ABHD2: variants seen among roughly 807,000 people sequenced by gnomAD.
ABHD2 encodes monoacylglycerol lipase ABHD2.
Under a neutral mutation model 48.1 loss-of-function variants are expected in ABHD2, and 20 were observed. The observed-to-expected ratio is 0.42, with a 90% CI of 0.29 to 0.60. ABHD2 has a LOEUF of 0.60. ABHD2 is among the 20% of genes least tolerant of loss of function. The probability of loss-of-function intolerance (pLI) is 0.24; values close to 1 mark genes in which losing one functional copy is unlikely to be tolerated. For synonymous variants in ABHD2, 209 were observed against 214.2 expected, an observed-to-expected ratio of 0.98 and a Z score of 0.21; for missense variants, 405 against 550.9, an observed-to-expected ratio of 0.74 and a Z score of 2.65.
chr15:89,070,787 C>G, the ABHD2 span, among the ~76,000 whole-genome samples: 11 of 152,168 alleles, frequency 7.2e-5, no homozygotes, highest in East Asian at 2.1e-3. Flanking sequence ...TCTTGAAATT[C>G]CACTGGGCTG....
At chr15:89,135,140 T>TTTCTTTTC (rs1388753468) in intron 3 of ABHD2, among the ~76,000 whole-genome samples, 1,310 of 115,460 alleles carry the variant, frequency 0.011, 52 homozygotes, top group Admixed American at 0.085. Context: ...GCTACAACTT[T>TTTCTTTTC]TTCTTTTTTT....
chr15:89,150,662 G>T lies in ABHD2; in HGVS notation c.195-1015G>T, dbSNP rs559591954. 4.5e-4 allele frequency among the ~76,000 whole-genome samples: 68 copies of T among 152,250 alleles called. No homozygotes were observed. The South Asian group carries it at 0.014, about 32-fold the overall frequency. On this transcript the variant is annotated intron_variant, in intron 3 of 10. Coordinates refer to ENST00000352732, the MANE Select transcript of ABHD2 (RefSeq NM_152924.5). ...GGAGTAAATCAAAGATGGGTTTTGG[G>T]GATCATCTGGTTCTGAGAGAAATGA... is the stretch of plus-strand genomic sequence containing the variant.
At chr15:89,099,225 A>G (rs2049661580) in intron 1 of ABHD2, among the ~76,000 whole-genome samples, 1 of 152,244 alleles carries the variant, frequency 6.6e-6, no homozygotes, top group South Asian at 2.1e-4. Context: ...ATGTATTAAA[A>G]TCACGAACAC....
At chr15:89,156,698 G>A (rs1596126669) in intron 5 of ABHD2, among the ~76,000 whole-genome samples, 1 of 151,034 alleles carries the variant, frequency 6.6e-6, no homozygotes, top group African/African-American at 2.4e-5. Flanking sequence ...CTCCAGCCTG[G>A]GCAACAGAGC....
Position 89,155,666 on chromosome 15 carries a change from T to C in ABHD2, c.538+132T>C. The C allele has an allele frequency of 8.6e-7, 1 of 1,161,510 alleles. No individual in the cohort carries two copies. Among genetic ancestry groups the C allele is most frequent in the Admixed American group, 2.5e-5 (1 of 40,432 alleles). The allele number at this position is 1,161,510 out of a possible 1,614,324, so 72.0% of individuals were successfully genotyped here. A position where few individuals can be genotyped will look rare whatever the true frequency, so the allele number is the denominator to read the frequency against. ...AGAGATGGTAGGTCACACGGTTATA[T>C]CAACAGCCAACTTGTACTGGGCATT... is the stretch of plus-strand genomic sequence containing the variant. On this transcript the variant is annotated intron_variant, in intron 5 of 10. Transcript: ENST00000352732. This position sits in a 1 kb window ranked among gnomAD's most constrained non-coding sequence, Gnocchi z 4.9.
chr15:89,116,217 A>G lies in ABHD2; in HGVS notation c.-6-105A>G. The G allele has an allele frequency of 9.4e-7, 1 of 1,061,028 alleles. No individual in the cohort carries two copies. Among genetic ancestry groups the G allele is most frequent in the Non-Finnish European group, 1.4e-6 (1 of 725,190 alleles). 65.7% of individuals were successfully genotyped at this position (1,061,028 alleles called of 1,614,324 possible). ...TGCGGAAACATCTGAATTGTGACAC[A>G]CCGTCACTGGCAGTATCTCTTAGCC... On this transcript the variant is annotated intron_variant, in intron 2 of 10. Coordinates refer to ENST00000352732, the MANE Select transcript of ABHD2 (RefSeq NM_152924.5). This position sits in a 1 kb window ranked among gnomAD's most constrained non-coding sequence, Gnocchi z 4.6.
intron 2 of ABHD2, among the ~76,000 whole-genome samples, chr15:89,115,420 GTGTGTGTGTGTT>G (rs1567073509): frequency 9.5e-4 from 76 of 80,082 alleles, no homozygotes; most frequent in African/African-American, 3.7e-3. Context: ...GTGTGTGTGT[GTGTGTGTGTGTT>G]TTGTATATAA....
At chr15:89,063,751 A>G in the ABHD2 span, among the ~76,000 whole-genome samples, 6 of 152,252 alleles carry the variant, frequency 3.9e-5, no homozygotes, top group East Asian at 3.9e-4. Context: ...GAACTTTTTC[A>G]TCTTCTCCAA....
chr15:89,113,175 G>C (rs553211214), intron 1 of ABHD2, among the ~76,000 whole-genome samples: 40 of 152,294 alleles, frequency 2.6e-4, no homozygotes, highest in Non-Finnish European at 5.1e-4. Flanking sequence ...TCTGGCCATA[G>C]TCTGAACTCA....
At chr15:89,084,833 T>A (rs1476394046), upstream of ABHD2, among the ~76,000 whole-genome samples, 1 of 152,162 alleles carries the variant, frequency 6.6e-6, no homozygotes, top group African/African-American at 2.4e-5. The surrounding 1 kb of genome is among the most constrained non-coding windows in gnomAD (Gnocchi z 4.4). Flanking sequence ...AAGGACCCCA[T>A]GAGACAAGCA....
In ABHD2 at chr15:89,102,372, C is replaced by G. The variant is rs1473494877; in HGVS notation, c.-106-11353C>G. 1 of 152,182 alleles carries G rather than the reference C, an allele frequency of 6.6e-6. No individual in the cohort carries two copies. Among genetic ancestry groups the G allele is most frequent in the Non-Finnish European group, 1.5e-5 (1 of 68,052 alleles). 9.4% of individuals were successfully genotyped at this position (152,182 alleles called of 1,614,324 possible). A position where few individuals can be genotyped will look rare whatever the true frequency, so the allele number is the denominator to read the frequency against. On this transcript the variant is annotated intron_variant, in intron 1 of 10. Coordinates refer to ENST00000352732, the MANE Select transcript of ABHD2 (RefSeq NM_152924.5). The surrounding 1 kb of genome is among the most constrained non-coding windows in gnomAD (Gnocchi z 4.8). Reference sequence around the variant, plus strand: ...CAATTGTTTTATGGATGCTGTGTATCATACTTCTTTCATAGCCCCCACAGA... The same window carrying G: ...CAATTGTTTTATGGATGCTGTGTATGATACTTCTTTCATAGCCCCCACAGA...
At chr15:89,057,560 A>G in the ABHD2 span, among the ~76,000 whole-genome samples, 4 of 152,136 alleles carry the variant, frequency 2.6e-5, no homozygotes, top group South Asian at 8.3e-4. Context: ...GGGTAAGAAT[A>G]CAGCCCCTTC....
chr15:89,056,726 G>A, the ABHD2 span, among the ~76,000 whole-genome samples: 1 of 152,124 alleles, frequency 6.6e-6, no homozygotes, highest in African/African-American at 2.4e-5. Flanking sequence ...AGACCCAGCA[G>A]CACTACTTAT....
At chr15:89,111,843 C>A (rs2049880160) in intron 1 of ABHD2, among the ~76,000 whole-genome samples, 1 of 152,122 alleles carries the variant, frequency 6.6e-6, no homozygotes, top group Non-Finnish European at 1.5e-5. Flanking sequence ...TATAAATAAA[C>A]CTCAATGAAA....
chr15:89,195,204 A>C lies in ABHD2; in HGVS notation c.1082-23A>C. On this transcript the variant is annotated intron_variant, in intron 10 of 10. Transcript: ENST00000352732. This position sits in a 1 kb window ranked among gnomAD's most constrained non-coding sequence, Gnocchi z 5.1. ...GGAGCAAACTAGAGAACAGTAACTC[A>C]CTCAGCTGCGTTTCCCCTGCAGAGA... The C allele has an allele frequency of 6.2e-7, 1 of 1,606,070 alleles. No homozygotes were observed. The highest frequency in any genetic ancestry group is 8.5e-7 in the Non-Finnish European group (1 of 1,175,378).
At chr15:89,119,708 CTGA>C (rs2050017644) in intron 3 of ABHD2, among the ~76,000 whole-genome samples, 1 of 152,178 alleles carries the variant, frequency 6.6e-6, no homozygotes, top group Admixed American at 6.5e-5. Flanking sequence ...AGGCCAGCCC[CTGA>C]TGATGACAGC....
chr15:89,041,531 G>A, the ABHD2 span, among the ~76,000 whole-genome samples: 1 of 152,232 alleles, frequency 6.6e-6, no homozygotes, highest in East Asian at 1.9e-4. Flanking sequence ...GACTCTTAGT[G>A]CAGCAGTTAA....
At chr15:89,051,234 A>C in the ABHD2 span, among the ~76,000 whole-genome samples, 5 of 152,214 alleles carry the variant, frequency 3.3e-5, no homozygotes, top group African/African-American at 1.2e-4. Context: ...ACTCTGTCTC[A>C]ATAATAATAA....
At chr15:89,169,290 C>T (rs1398317981) in intron 5 of ABHD2, among the ~76,000 whole-genome samples, 1 of 152,138 alleles carries the variant, frequency 6.6e-6, no homozygotes, top group Non-Finnish European at 1.5e-5. Context: ...GTAGACATGG[C>T]CCTACTCATT....
Sources: gnomAD v4.1 joint callset for allele counts (sites outside exome capture counted in the v4.1 genomes callset) on GRCh38, gnomAD v4.1.1 for gene constraint, Gnocchi (gnomAD v3.1) non-coding constraint, MANE v1.5 for transcripts, NCBI Gene and HGNC (gene_info 2026-07-23, HGNC 2026-07-21) for gene names.